Variants in BLTP1 observed in about 807,000 individuals in gnomAD.
BLTP1 encodes bridge-like lipid transfer protein family member 1.
At chr4:122,183,576 A>T in the BLTP1 span, 22 of 936,608 alleles carry the variant, frequency 2.3e-5, no homozygotes, top group African/African-American at 3.5e-4. Flanking sequence ...AGGCTGTTTT[A>T]TAATACAAGG....
the BLTP1 span, chr4:122,178,072 C>T: frequency 3.9e-5 from 34 of 879,550 alleles, no homozygotes; most frequent in Admixed American, 1.1e-3. Context: ...CCTAGTCATA[C>T]TTCTAAGTAA....
the BLTP1 span, among the ~76,000 whole-genome samples, chr4:122,245,764 C>T: frequency 1.3e-5 from 2 of 151,858 alleles, no homozygotes; most frequent in African/African-American, 2.4e-5. Flanking sequence ...TATATATTGG[C>T]ATTTCATGTG....
At chr4:122,215,542 C>G in the BLTP1 span, 8 of 985,152 alleles carry the variant, frequency 8.1e-6, no homozygotes, top group Non-Finnish European at 9.6e-6. Flanking sequence ...ATGGAAGTAT[C>G]AAAGGAGTTT....
chr4:122,352,622 A>G, the BLTP1 span, among the ~76,000 whole-genome samples: 3 of 152,166 alleles, frequency 2.0e-5, no homozygotes, highest in Non-Finnish European at 4.4e-5. Flanking sequence ...GGCTTCCAAA[A>G]GTGCTGGGTT....
the BLTP1 span, among the ~76,000 whole-genome samples, chr4:122,332,333 G>A: frequency 6.6e-6 from 1 of 151,828 alleles, no homozygotes; most frequent in Non-Finnish European, 1.5e-5. Flanking sequence ...ATGATAAAAA[G>A]GATGACTATT....
chr4:122,220,341 T>C, the BLTP1 span: 6 of 1,613,078 alleles, frequency 3.7e-6, no homozygotes, highest in African/African-American at 8.0e-5. Context: ...AGCATGGAAC[T>C]ACTGATGGTC....
the BLTP1 span, chr4:122,208,701 T>G: frequency 1.0e-6 from 1 of 956,832 alleles, no homozygotes; most frequent in African/African-American, 1.8e-5. Context: ...AAATTTAGTT[T>G]TAGTCAATGT....
At chr4:122,262,655 T>C in the BLTP1 span, 2 of 1,300,628 alleles carry the variant, frequency 1.5e-6, no homozygotes, top group African/African-American at 3.0e-5. Flanking sequence ...TTGGTATTAA[T>C]GTGCAAAGTA....
chr4:122,209,925 G>T, the BLTP1 span: 1 of 1,611,770 alleles, frequency 6.2e-7, no homozygotes, highest in Non-Finnish European at 8.5e-7. Flanking sequence ...AAACAATCAT[G>T]TAAGTGTTTT....
At chr4:122,274,663 C>T in the BLTP1 span, 4 of 977,498 alleles carry the variant, frequency 4.1e-6, no homozygotes, top group African/African-American at 7.0e-5. Context: ...TTCAGCAGAG[C>T]AGTTTCATGT....
chr4:122,315,448 CTTTA>C, the BLTP1 span: 1 of 1,613,692 alleles, frequency 6.2e-7, no homozygotes, highest in Non-Finnish European at 8.5e-7. Flanking sequence ...AATGCAACTT[CTTTA>C]TTTAAACAGA....
At chr4:122,208,067 T>C in the BLTP1 span, 4 of 985,096 alleles carry the variant, frequency 4.1e-6, no homozygotes, top group African/African-American at 3.5e-5. Context: ...CAAAATTTTA[T>C]GGAACATTTT....
At chr4:122,219,409 C>T in the BLTP1 span, 23 of 1,614,102 alleles carry the variant, frequency 1.4e-5, 1 homozygote, top group African/African-American at 2.9e-4. Flanking sequence ...TGTTTTGTCA[C>T]TGTCAACATC....
chr4:122,323,114 A>G, the BLTP1 span, among the ~76,000 whole-genome samples: 4 of 152,120 alleles, frequency 2.6e-5, no homozygotes, highest in East Asian at 5.8e-4. Context: ...CAATTCTTCA[A>G]TTACAGTTCA....
chr4:122,221,535 G>A, the BLTP1 span, among the ~76,000 whole-genome samples: 1 of 152,080 alleles, frequency 6.6e-6, no homozygotes, highest in Non-Finnish European at 1.5e-5. Context: ...GGAAACTGAC[G>A]TTGATACAAT....
At chr4:122,166,770 T>C in the BLTP1 span, among the ~76,000 whole-genome samples, 8 of 152,192 alleles carry the variant, frequency 5.3e-5, no homozygotes. Flanking sequence ...TTTGTAGTTC[T>C]CCTTGAAGAG....
At chr4:122,208,636 A>G in the BLTP1 span, 4 of 984,464 alleles carry the variant, frequency 4.1e-6, no homozygotes, top group African/African-American at 5.2e-5. Context: ...CATTCTTTTC[A>G]CTGTTTGGAA....
At chr4:122,246,653 G>C in the BLTP1 span, 2 of 1,592,218 alleles carry the variant, frequency 1.3e-6, no homozygotes, top group African/African-American at 2.7e-5. Flanking sequence ...TTTTTCACTT[G>C]TCAGTTCTGA....
the BLTP1 span, chr4:122,259,833 T>C: frequency 5.9e-6 from 3 of 508,724 alleles, no homozygotes; most frequent in Non-Finnish European, 7.6e-6. Flanking sequence ...CACTCCAGCC[T>C]GGGCGACAGA....
Sources: allele counts gnomAD v4.1 joint callset (sites outside exome capture counted in the v4.1 genomes callset), GRCh38; gene constraint gnomAD v4.1.1; transcripts MANE v1.5; gene names NCBI Gene and HGNC (gene_info 2026-07-23, HGNC 2026-07-21).